The following CEP112 variants were observed in gnomAD, a reference collection of about 807,000 sequenced individuals.
The protein encoded by CEP112 is centrosomal protein 112.
A neutral mutation model predicts 153.0 loss-of-function variants in CEP112; 127 were observed. The ratio of observed to expected loss-of-function variants is 0.83; its 90% CI spans 0.72 to 0.96. The LOEUF is 0.96. Among genes scored for constraint, CEP112 ranks in the 40% least tolerant of loss-of-function variants. The pLI, the probability that CEP112 is intolerant of heterozygous loss-of-function variation, is 0.00. For missense variants in CEP112, 1,089 were observed against 1,101.2 expected, an observed-to-expected ratio of 0.99 and a Z score of 0.16; for synonymous variants, 358 against 374.4, an observed-to-expected ratio of 0.96 and a Z score of 0.51.
At chr17:65,974,173 C>A (rs758086437) in intron 17 of CEP112, among the ~76,000 whole-genome samples, 6 of 151,982 alleles carry the variant, frequency 3.9e-5, no homozygotes, top group African/African-American at 1.4e-4. Context: ...GCCTCCCCAG[C>A]TCAAGCAATC....
Position 66,162,967 on chromosome 17 carries a change from T to G in CEP112, c.470+12077A>C, listed in dbSNP as rs1325660355. Among the ~76,000 whole-genome samples, 4 of 152,136 alleles carry G rather than the reference T, an allele frequency of 2.6e-5. No homozygotes were observed. The East Asian group carries it at 5.8e-4, about 22-fold the overall frequency. On this transcript the variant is annotated intron_variant, in intron 4 of 26. Transcript: ENST00000535342. ...CTATATTTATTAACATGGATAAATC[T>G]GAAAAATATGATGAGTTAAAGGAGC...
At chr17:65,885,449 C>T (rs1418922964) in intron 20 of CEP112, among the ~76,000 whole-genome samples, 1 of 151,756 alleles carries the variant, frequency 6.6e-6, no homozygotes, top group Non-Finnish European at 1.5e-5. Context: ...TATTTTAATG[C>T]AAAACAAGTC....
intron 17 of CEP112, among the ~76,000 whole-genome samples, chr17:65,982,310 A>C (rs1047686072): frequency 1.3e-5 from 2 of 152,204 alleles, no homozygotes; most frequent in African/African-American, 2.4e-5. Flanking sequence ...TAGCAGAGAA[A>C]AATGTGCTTT....
intron 20 of CEP112, among the ~76,000 whole-genome samples, chr17:65,853,726 T>TAA (rs5821571): frequency 0.058 from 8,244 of 142,818 alleles, 324 homozygotes; most frequent in South Asian, 0.12. Context: ...AGACTCCATC[T>TAA]AAAAAAAAAA....
chr17:66,148,764 G>A (rs922476736), intron 4 of CEP112, among the ~76,000 whole-genome samples: 1 of 152,006 alleles, frequency 6.6e-6, no homozygotes, highest in Non-Finnish European at 1.5e-5. Flanking sequence ...GAAATCCTTA[G>A]GGTTTTCTAC....
chr17:65,669,710 T>C (rs1315134927), intron 24 of CEP112, among the ~76,000 whole-genome samples: 4 of 152,136 alleles, frequency 2.6e-5, no homozygotes, highest in South Asian at 2.1e-4. Context: ...GAGACCATCC[T>C]GGCTAACACG....
At chr17:65,745,073 A>G (rs1264101746) in intron 22 of CEP112, among the ~76,000 whole-genome samples, 1 of 152,226 alleles carries the variant, frequency 6.6e-6, no homozygotes, top group African/African-American at 2.4e-5. Context: ...GCCAAATGCT[A>G]TAGAAATACT....
chr17:65,807,951 C>T (rs1047856174), intron 21 of CEP112, among the ~76,000 whole-genome samples: 7 of 152,218 alleles, frequency 4.6e-5, no homozygotes, highest in East Asian at 1.9e-4. Flanking sequence ...CTCCAGACCC[C>T]GGAATGCTAG....
intron 20 of CEP112, among the ~76,000 whole-genome samples, chr17:65,864,150 A>G (rs1241117903): frequency 6.6e-6 from 1 of 151,798 alleles, no homozygotes; most frequent in Non-Finnish European, 1.5e-5. Context: ...AAAAAAAAAA[A>G]AAGTGAGTGC....
chr17:65,649,069 AACAAAC>A (rs1305177640), intron 24 of CEP112, among the ~76,000 whole-genome samples: 54 of 41,744 alleles, frequency 1.3e-3, no homozygotes, highest in Admixed American at 6.4e-3. Flanking sequence ...CAAACAAACA[AACAAAC>A]ACACACACAC....
chr17:66,133,255 A>G (rs1180950421), intron 4 of CEP112, among the ~76,000 whole-genome samples: 1 of 151,898 alleles, frequency 6.6e-6, no homozygotes, highest in Non-Finnish European at 1.5e-5. Flanking sequence ...CTCCTTTCCC[A>G]TTTTTCCCAA....
chr17:66,035,902 G>A lies in CEP112; in HGVS notation c.1219-5879C>T, dbSNP rs546937164. Among the ~76,000 whole-genome samples the A allele has an allele frequency of 3.9e-5, 6 of 152,318 alleles. No individual in the cohort carries two copies. In the East Asian group the frequency reaches 7.7e-4, roughly 20 times the overall value. ...AAGACAGCCGAAAAACTGAGCTCCC[G>A]AAGTGTGATGGGGGAAAGTCAGCCT... On this transcript the variant is annotated intron_variant, in intron 12 of 26. Coordinates refer to ENST00000535342, the MANE Select transcript of CEP112 (RefSeq NM_001199165.4).
At chr17:65,701,352 A>G (rs1765899411) in intron 23 of CEP112, among the ~76,000 whole-genome samples, 1 of 152,188 alleles carries the variant, frequency 6.6e-6, no homozygotes, top group Non-Finnish European at 1.5e-5. Flanking sequence ...ATTAAAATAT[A>G]CAGAAAGGAA....
chr17:65,986,556 A>G (rs947680304), intron 17 of CEP112, among the ~76,000 whole-genome samples: 7 of 152,212 alleles, frequency 4.6e-5, no homozygotes, highest in African/African-American at 1.7e-4. Context: ...AAAGTAAAGT[A>G]CAAATGATGT....
intron 4 of CEP112, among the ~76,000 whole-genome samples, chr17:66,134,609 C>G (rs753727703): frequency 6.6e-6 from 1 of 152,156 alleles, no homozygotes; most frequent in Non-Finnish European, 1.5e-5. Context: ...AGGCCAAGGT[C>G]AGCCTATTGC....
intron 23 of CEP112, among the ~76,000 whole-genome samples, chr17:65,720,746 A>C (rs1014847406): frequency 6.6e-6 from 1 of 152,188 alleles, no homozygotes; most frequent in Admixed American, 6.5e-5. Flanking sequence ...TCAGTAATTT[A>C]ACAGTTACAT....
intron 20 of CEP112, among the ~76,000 whole-genome samples, chr17:65,897,727 A>G (rs897189311): frequency 3.9e-5 from 6 of 152,114 alleles, no homozygotes; most frequent in African/African-American, 1.2e-4. Context: ...AATTAAAATG[A>G]AATTTTAGCA....
At chr17:66,093,422 T>TA (rs967703868) in intron 8 of CEP112, among the ~76,000 whole-genome samples, 17 of 150,218 alleles carry the variant, frequency 1.1e-4, no homozygotes, top group South Asian at 4.2e-4. Context: ...ATCTTATATG[T>TA]AAAAAAAAAA....
rs1337920746 is a variant in CEP112 at position 66,149,887 on chromosome 17, TG to T, written c.471-17125del. 2.4e-3 allele frequency among the ~76,000 whole-genome samples: 133 copies of T among 56,012 alleles called. 7 individuals are homozygous for T. Among genetic ancestry groups the T allele is most frequent in the African/African-American group, 3.7e-3 (57 of 15,550 alleles). 36.7% of individuals were successfully genotyped at this position (56,012 alleles called of 152,430 possible). On this transcript the variant is annotated intron_variant, in intron 4 of 26. Transcript: ENST00000535342. ...TTTAGGGTTTTTTTTTTTGTTTGTT[TG>T]TTTTTTTTTTTTTTTTTTTTTGAGA...
Sources: allele counts gnomAD v4.1 joint callset (sites outside exome capture counted in the v4.1 genomes callset), GRCh38; gene constraint gnomAD v4.1.1; transcripts MANE v1.5; gene names NCBI Gene and HGNC (gene_info 2026-07-23, HGNC 2026-07-21).